The following LRRK2 variants were observed in gnomAD, a reference collection of about 807,000 sequenced individuals.
LRRK2 encodes the protein leucine-rich repeat serine/threonine-protein kinase 2.
LRRK2 carries 203 observed loss-of-function variants against 302.6 expected under a neutral mutation model. The ratio of observed to expected loss-of-function variants is 0.67; its 90% confidence interval spans 0.60 to 0.75. LRRK2 has a LOEUF of 0.75. LRRK2 is among the 30% of genes least tolerant of loss of function. The probability of loss-of-function intolerance (pLI) is 0.00; values close to 1 mark genes in which losing one functional copy is unlikely to be tolerated. For synonymous variants in LRRK2, 1,066 were observed against 1,031.9 expected (o/e 1.03, Z -0.63); for missense variants, 2,830 against 2,951.0 (o/e 0.96, Z 0.95).
chr12:40,353,631 G>T (rs551431345), intron 44 of LRRK2, among the ~76,000 whole-genome samples: 29 of 152,310 alleles, frequency 1.9e-4, no homozygotes, highest in Non-Finnish European at 3.5e-4. Flanking sequence ...GCCAAGGCAG[G>T]CGGCTGGGAG....
rs1944585765 is a variant in LRRK2, at chr12:40,300,575, G to T, written c.3496+1318G>T. Among the ~76,000 whole-genome samples the T allele has an allele frequency of 2.0e-5, 3 of 152,172 alleles. No homozygotes were observed. In the South Asian group the frequency reaches 6.2e-4, roughly 32 times the overall value. ...TAATGATCAAAGCCATCTTAATTTG[G>T]ATAGTATTTTCCTCCTTTTCCGCGC... On this transcript the variant is annotated intron_variant, in intron 25 of 50. Coordinates refer to ENST00000298910, the MANE Select transcript of LRRK2 (RefSeq NM_198578.4).
At chr12:40,342,916 G>GAA (rs1398680417) in intron 41 of LRRK2, among the ~76,000 whole-genome samples, 46 of 152,034 alleles carry the variant, frequency 3.0e-4, no homozygotes, top group Non-Finnish European at 5.4e-4. Flanking sequence ...CGATGTGCTG[G>GAA]GCTTGTGCTT....
rs1361530035 is a variant in LRRK2 at position 40,277,797 on chromosome 12, T to C, written c.1942-91T>C. On this transcript the variant is annotated intron_variant, in intron 16 of 50. Transcript: ENST00000298910. ...TATAGTTAAATGAACATCCTAGGTA[T>C]TGTTTCATATACAAACTCTCTCTGC... 3.4e-6 allele frequency: 4 copies of C among 1,189,512 alleles called. No individual in the cohort carries two copies. In the African/African-American group the frequency reaches 4.6e-5, roughly 14 times the overall value. 73.7% of individuals were successfully genotyped at this position (1,189,512 alleles called of 1,614,324 possible). A position where few individuals can be genotyped will look rare whatever the true frequency, so the allele number is the denominator to read the frequency against.
intron 14 of LRRK2, among the ~76,000 whole-genome samples, chr12:40,272,934 C>T (rs1417469924): frequency 6.6e-6 from 1 of 152,004 alleles, no homozygotes; most frequent in Non-Finnish European, 1.5e-5. Flanking sequence ...AAGAGAGGAG[C>T]GATTAAGGGA....
intron 39 of LRRK2, among the ~76,000 whole-genome samples, chr12:40,334,522 T>A (rs1945809232): frequency 6.6e-6 from 1 of 152,220 alleles, no homozygotes; most frequent in Admixed American, 6.5e-5. Flanking sequence ...ATATACTCCA[T>A]TCTTACCATA....
intron 14 of LRRK2, among the ~76,000 whole-genome samples, chr12:40,273,360 A>G (rs781098609): frequency 6.6e-6 from 1 of 152,174 alleles, no homozygotes; most frequent in Non-Finnish European, 1.5e-5. Flanking sequence ...ACTATGTATT[A>G]TTAAGATGAT....
At chr12:40,255,345 G>A (rs910317777) in intron 11 of LRRK2, among the ~76,000 whole-genome samples, 4 of 152,162 alleles carry the variant, frequency 2.6e-5, no homozygotes, top group African/African-American at 4.8e-5. Flanking sequence ...GCAGGGCGTC[G>A]CATATTGTTT....
chr12:40,323,372 T>G (rs1302431650), intron 38 of LRRK2, 66 bp downstream of exon 38: 13 of 1,318,512 alleles, frequency 9.9e-6, no homozygotes, highest in Middle Eastern at 2.0e-4. Context: ...ATTTAGAAAA[T>G]AGATTTCATA....
intron 2 of LRRK2, 68 bp from the exon 3 acceptor site, chr12:40,232,206 A>G (rs1941234102): frequency 3.7e-6 from 4 of 1,091,536 alleles, no homozygotes; most frequent in Non-Finnish European, 5.7e-6. Flanking sequence ...GAAGAGATTC[A>G]TGTTTGACTG....
chr12:40,346,118 A>T (rs1273182316), intron 41 of LRRK2, among the ~76,000 whole-genome samples: 2 of 152,258 alleles, frequency 1.3e-5, no homozygotes, highest in Middle Eastern at 3.4e-3. Flanking sequence ...AAAGTAATTT[A>T]TCTGTCTTAT....
At chr12:40,235,270 G>A (rs562773032) in intron 3 of LRRK2, among the ~76,000 whole-genome samples, 1 of 152,220 alleles carries the variant, frequency 6.6e-6, no homozygotes, top group Non-Finnish European at 1.5e-5. Flanking sequence ...CAGAAGTTTA[G>A]ACCAGCCTAG....
rs1365508253 is a variant in LRRK2 at position 40,367,758 on chromosome 12, T to C, written c.7577T>C (p.Val2526Ala). 5.0e-6 allele frequency: 8 copies of C among 1,604,944 alleles called. No homozygotes were observed. In the East Asian group the frequency reaches 1.3e-4, roughly 27 times the overall value. Reference sequence around the variant, plus strand: ...GCTGAAAAAATGAGACGAACATCTGTTGAGTAAGAGAGAAATAGGAATTGT... The same window carrying C: ...GCTGAAAAAATGAGACGAACATCTGCTGAGTAAGAGAGAAATAGGAATTGT... The part of the protein sequence containing the change: ...ELAEKMRRTS[V>A]E The change falls in exon 51 of 51, where the codon GTT becomes GCT. Residue 2526 changes from valine to alanine, a missense_variant. Coordinates refer to ENST00000298910, the MANE Select transcript of LRRK2 (RefSeq NM_198578.4).
intron 44 of LRRK2, among the ~76,000 whole-genome samples, chr12:40,352,145 A>G (rs1010360080): frequency 8.5e-5 from 13 of 152,138 alleles, no homozygotes; most frequent in Non-Finnish European, 1.6e-4. Flanking sequence ...TCATTCTCAC[A>G]TATTGTTCAG....
intron 40 of LRRK2, among the ~76,000 whole-genome samples, chr12:40,339,711 G>A (rs1661520322): frequency 6.6e-6 from 1 of 152,058 alleles, no homozygotes; most frequent in South Asian, 2.1e-4. Context: ...CTAATAGCAA[G>A]CAAAAGTCTT....
chr12:40,269,175 T>C (rs1943136988), intron 14 of LRRK2, among the ~76,000 whole-genome samples: 1 of 152,234 alleles, frequency 6.6e-6, no homozygotes, highest in Admixed American at 6.5e-5. Context: ...AATGTAGATA[T>C]ACTTGCTCAT....
intron 42 of LRRK2, 31 bp downstream of exon 42, chr12:40,346,954 T>A (rs1946205949): frequency 1.3e-6 from 2 of 1,576,740 alleles, no homozygotes; most frequent in Non-Finnish European, 1.7e-6. Flanking sequence ...AATGAAGATT[T>A]TTTTTCTTAA....
At chr12:40,324,203 T>C (rs1306013726) in intron 38 of LRRK2, among the ~76,000 whole-genome samples, 1 of 152,164 alleles carries the variant, frequency 6.6e-6, no homozygotes, top group Non-Finnish European at 1.5e-5. Flanking sequence ...TCCTCGGTTA[T>C]CATTTTTAAA....
At chr12:40,244,583 G>T (rs1941887150) in intron 7 of LRRK2, among the ~76,000 whole-genome samples, 1 of 151,926 alleles carries the variant, frequency 6.6e-6, no homozygotes, top group African/African-American at 2.4e-5. Context: ...CCTTCTTTGT[G>T]AAATATGCAA....
chr12:40,235,676 T>A lies in LRRK2; in HGVS notation c.398T>A (p.Val133Glu), dbSNP rs1410338654. Residue 133 changes from valine (V) to glutamate (E), a missense_variant, in exon 4 of 51, where the codon GTG (valine) becomes GAG (glutamate). Coordinates refer to ENST00000298910, the MANE Select transcript of LRRK2 (RefSeq NM_198578.4). The part of the protein sequence containing the change: ...TVHNASVNLS[V>E]IGLKTLDLLL... The stretch of plus-strand genomic sequence containing the variant: ...CATAATGCCAGTGTAAACTTGTCAG[T>A]GATTGGACTGAAGACCTTAGATCTC... The A allele has an allele frequency of 7.5e-6, 12 of 1,609,288 alleles. No individual in the cohort carries two copies. The highest frequency in any genetic ancestry group is 1.7e-6 in the Non-Finnish European group (2 of 1,175,724).
Sources: gnomAD v4.1 joint callset for allele counts (sites outside exome capture counted in the v4.1 genomes callset) on GRCh38, gnomAD v4.1.1 for gene constraint, MANE v1.5 for transcripts, NCBI Gene and HGNC (gene_info 2026-07-23, HGNC 2026-07-21) for gene names.